Variants in CTNNA2 observed in about 807,000 individuals in gnomAD.
The protein encoded by CTNNA2 is catenin alpha-2.
CTNNA2 carries 42 observed loss-of-function variants against 101.0 expected under a neutral mutation model. The observed-to-expected ratio is 0.42, with a 90% CI of 0.32 to 0.54. The LOEUF (loss-of-function observed/expected upper bound fraction) is 0.54, where lower values mean the gene tolerates loss of function less well. Ranked by LOEUF, CTNNA2 falls within the 20% of genes least tolerant of loss-of-function variation. The pLI is 0.14. For missense variants in CTNNA2, 871 were observed against 1,223.1 expected (o/e 0.71, Z 4.29); for synonymous variants, 450 against 456.4 (o/e 0.99, Z 0.18).
chr2:80,074,939 T>C (rs1295475672), intron 7 of CTNNA2, among the ~76,000 whole-genome samples: 1 of 152,240 alleles, frequency 6.6e-6, no homozygotes, highest in Non-Finnish European at 1.5e-5. Flanking sequence ...TAAAAGATTA[T>C]ACAGACAATT....
chr2:80,423,245 C>G (rs1680693332), intron 9 of CTNNA2, among the ~76,000 whole-genome samples: 1 of 151,854 alleles, frequency 6.6e-6, no homozygotes, highest in South Asian at 2.1e-4. Flanking sequence ...TTCTTCTTTT[C>G]TAACTTATTG....
Position 79,638,852 on chromosome 2 carries a change from A to G in CTNNA2, c.-5-12700A>G, listed in dbSNP as rs556149858. Among the ~76,000 whole-genome samples, 81 of 152,288 alleles carry G rather than the reference A, an allele frequency of 5.3e-4. 1 individual carries two copies. The South Asian group carries it at 0.013, about 25-fold the overall frequency. On this transcript the variant is annotated intron_variant, in intron 1 of 18. Coordinates refer to ENST00000402739, the MANE Select transcript of CTNNA2 (RefSeq NM_001282597.3). ...AATTAAGTATTTTTATAACCACTTAACTGTTGAAAATAGCTCTTAAATATC... is the reference window on the plus strand; with the variant it reads ...AATTAAGTATTTTTATAACCACTTAGCTGTTGAAAATAGCTCTTAAATATC...
chr2:80,419,255 T>A (rs1680302658), intron 8 of CTNNA2, among the ~76,000 whole-genome samples, 194 bp from the exon 9 acceptor site: 1 of 152,206 alleles, frequency 6.6e-6, no homozygotes, highest in Admixed American at 6.5e-5. Context: ...AGTTGACATA[T>A]AATATGTTTA....
chr2:80,444,470 A>G (rs1475534037), intron 9 of CTNNA2, among the ~76,000 whole-genome samples: 1 of 152,120 alleles, frequency 6.6e-6, no homozygotes, highest in Non-Finnish European at 1.5e-5. Flanking sequence ...GTTTCTCAAT[A>G]TCAGCACCAT....
chr2:80,227,600 A>C (rs1288347406), intron 7 of CTNNA2, among the ~76,000 whole-genome samples: 1 of 152,156 alleles, frequency 6.6e-6, no homozygotes, highest in Admixed American at 6.5e-5. Flanking sequence ...TGTGAGCCCG[A>C]GTTGTGCCTG....
chr2:79,466,306 T>G (rs953830614), intron 4 of CTNNA2, among the ~76,000 whole-genome samples: 8 of 152,266 alleles, frequency 5.3e-5, no homozygotes, highest in African/African-American at 1.9e-4. Context: ...GAGATCGAAC[T>G]GCAAGGTGGC....
chr2:80,264,253 T>C (rs1672832812), intron 7 of CTNNA2, among the ~76,000 whole-genome samples: 1 of 152,118 alleles, frequency 6.6e-6, no homozygotes, highest in South Asian at 2.1e-4. Context: ...CATTTTGCTA[T>C]TTAACGATAT....
chr2:79,622,778 C>T (rs1240785325), intron 1 of CTNNA2, among the ~76,000 whole-genome samples: 5 of 152,000 alleles, frequency 3.3e-5, no homozygotes, highest in Admixed American at 2.0e-4. Context: ...ATGCAGGGAG[C>T]GGCAGGATGG....
chr2:80,300,124 C>T (rs1398033209), intron 7 of CTNNA2, among the ~76,000 whole-genome samples: 1 of 152,070 alleles, frequency 6.6e-6, no homozygotes, highest in Non-Finnish European at 1.5e-5. Context: ...AAATTCAAAA[C>T]CCCCTCCTCA....
chr2:80,598,047 G>T (rs1325352425), intron 15 of CTNNA2, among the ~76,000 whole-genome samples: 1 of 152,088 alleles, frequency 6.6e-6, no homozygotes, highest in Non-Finnish European at 1.5e-5. Context: ...CATAGACTTG[G>T]AACCAACTCA....
intron 3 of CTNNA2, among the ~76,000 whole-genome samples, chr2:79,313,621 A>G (rs1676432128): frequency 6.6e-6 from 1 of 152,080 alleles, no homozygotes; most frequent in African/African-American, 2.4e-5. Flanking sequence ...ACCACCAAAC[A>G]GGCCTGCAGT....
intron 7 of CTNNA2, among the ~76,000 whole-genome samples, chr2:80,026,802 A>T (rs904255562): frequency 1.3e-5 from 2 of 152,232 alleles, no homozygotes; most frequent in Non-Finnish European, 2.9e-5. Flanking sequence ...TATTTAAAAC[A>T]GTATTCTCAT....
intron 2 of CTNNA2, among the ~76,000 whole-genome samples, chr2:79,280,544 C>T (rs1675336919): frequency 6.6e-6 from 1 of 151,834 alleles, no homozygotes; most frequent in African/African-American, 2.4e-5. Context: ...CCTCTTTGGG[C>T]TTAAAAACTG....
chr2:80,121,155 C>T (rs916401288), intron 7 of CTNNA2, among the ~76,000 whole-genome samples: 1 of 152,182 alleles, frequency 6.6e-6, no homozygotes, highest in African/African-American at 2.4e-5. Flanking sequence ...GTGAAAATAG[C>T]AGGCTCTCAA....
At chr2:79,430,616 A>T (rs754302326) in intron 4 of CTNNA2, among the ~76,000 whole-genome samples, 1 of 152,144 alleles carries the variant, frequency 6.6e-6, no homozygotes, top group Non-Finnish European at 1.5e-5. Context: ...CTTTTTGCAT[A>T]TATTATTTTA....
chr2:80,341,846 A>G (rs1255160007), intron 7 of CTNNA2, among the ~76,000 whole-genome samples: 2 of 152,248 alleles, frequency 1.3e-5, no homozygotes, highest in African/African-American at 2.4e-5. Flanking sequence ...ACAGCCAAAA[A>G]TTGCAGAGAA....
chr2:80,556,409 G>A (rs1693030609), intron 12 of CTNNA2, among the ~76,000 whole-genome samples: 1 of 152,176 alleles, frequency 6.6e-6, no homozygotes, highest in Admixed American at 6.5e-5. Flanking sequence ...GATATGACGT[G>A]CTCAAAGAAA....
intron 4 of CTNNA2, among the ~76,000 whole-genome samples, chr2:79,408,207 C>G (rs188802780): frequency 2.6e-5 from 4 of 151,840 alleles, no homozygotes; most frequent in African/African-American, 9.7e-5. Flanking sequence ...TCCTCCATGC[C>G]CAAAGTACAG....
chr2:79,287,815 G>T (rs1675655238), intron 2 of CTNNA2, among the ~76,000 whole-genome samples: 2 of 152,206 alleles, frequency 1.3e-5, no homozygotes, highest in South Asian at 4.1e-4. Flanking sequence ...ACCTAAGCAA[G>T]CCTGGGCAAT....
Sources: allele counts gnomAD v4.1 joint callset (sites outside exome capture counted in the v4.1 genomes callset), GRCh38; gene constraint gnomAD v4.1.1; transcripts MANE v1.5; gene names NCBI Gene and HGNC (gene_info 2026-07-23, HGNC 2026-07-21).